Variants in PHLDB1 observed in about 807,000 individuals in gnomAD.
PHLDB1 encodes the protein pleckstrin homology-like domain family B member 1.
A neutral mutation model predicts 139.3 loss-of-function variants in PHLDB1; 65 were observed. The ratio of observed to expected loss-of-function variants is 0.47; its 90% CI spans 0.38 to 0.57. The LOEUF (loss-of-function observed/expected upper bound fraction) is 0.57, where lower values mean the gene tolerates loss of function less well. Among genes scored for constraint, PHLDB1 ranks in the 20% least tolerant of loss-of-function variants. PHLDB1 has a pLI of 0.00. For synonymous variants in PHLDB1, 679 were observed against 734.5 expected (o/e 0.92, Z 1.22); for missense variants, 1,624 against 1,839.7 (o/e 0.88, Z 2.14).
intron 9 of PHLDB1, chr11:118,634,973 G>C (rs1220737634): frequency 1.1e-5 from 5 of 460,254 alleles, no homozygotes; most frequent in Non-Finnish European, 1.7e-5. Flanking sequence ...CCCGCCAGGC[G>C]CTCTACGCCG....
intron 15 of PHLDB1, chr11:118,644,759 G>T: frequency 9.3e-7 from 1 of 1,070,024 alleles, no homozygotes; most frequent in Non-Finnish European, 1.3e-6. Context: ...AGCATGATGT[G>T]TCCTGCCCAG....
chr11:118,628,353 G>A lies in PHLDB1; in HGVS notation c.1530G>A (p.Gly510=), dbSNP rs142470009. The change falls in exon 6 of 23, where the codon GGG becomes GGA. Residue 510 remains glycine, a synonymous_variant. Coordinates refer to ENST00000600882, the MANE Select transcript of PHLDB1 (RefSeq NM_001144758.3). ...ASPEDFSLTL[G]ARGRRTRSPS... ...CAGAGGACTTCTCCCTGACGCTGGG[G>A]GCACGGGGCCGTAGGACACGGAGCC... is the stretch of plus-strand genomic sequence containing the variant. 1,677 of 1,612,046 alleles carry A rather than the reference G, an allele frequency of 1.0e-3. 2 individuals carry two copies. The highest frequency in any genetic ancestry group is 1.2e-3 in the Non-Finnish European group (1,426 of 1,179,186).
rs1335375782 is a variant in PHLDB1 at position 118,655,610 on chromosome 11, C to T, written c.3880C>T (p.His1294Tyr). 7 of 1,609,740 alleles carry T rather than the reference C, an allele frequency of 4.3e-6. No individual in the cohort carries two copies. In the South Asian group the frequency reaches 5.5e-5, roughly 13 times the overall value. ...CACCCTTACTTGCTTTGCAGACAAG[C>T]ATGAGACGAAGCTGAAGGGAGTCAT... The part of the protein sequence containing the change: ...KRTLSYYVDK[H>Y]ETKLKGVIYF... Residue 1294 changes from histidine to tyrosine, a missense_variant, in exon 21 of 23, where the codon CAT (histidine) becomes TAT (tyrosine). Transcript: ENST00000600882.
chr11:118,614,630 C>T lies in PHLDB1; in HGVS notation c.132C>T (p.Ser44=), dbSNP rs528831163. ...AAACGGACAAACCCCACCTGGTGAG[C>T]CTGGGCAGTGGGCGACTCAGCACAG... ...KVQTDKPHLV[S]LGSGRLSTAI... is the part of the protein sequence containing the mutation. Residue 44 remains serine (S), a synonymous_variant, in exon 3 of 23, where the codon AGC becomes AGT. Coordinates refer to ENST00000600882, the MANE Select transcript of PHLDB1 (RefSeq NM_001144758.3). 6 of 1,613,936 alleles carry T rather than the reference C, an allele frequency of 3.7e-6. No homozygotes were observed. In the South Asian group the frequency reaches 5.5e-5, roughly 15 times the overall value.
Position 118,632,500 on chromosome 11 carries a change from G to A in PHLDB1, c.2379+204G>A, listed in dbSNP as rs1443242787. Reference sequence around the variant, plus strand: ...GGGCACTGCCAGGGGCTGGGCTGGTGTCTGGGGTCTCCTCTGTCTGGGTCT... The same window carrying A: ...GGGCACTGCCAGGGGCTGGGCTGGTATCTGGGGTCTCCTCTGTCTGGGTCT... On this transcript the variant is annotated intron_variant, in intron 9 of 22. Coordinates refer to ENST00000600882, the MANE Select transcript of PHLDB1 (RefSeq NM_001144758.3). The surrounding 1 kb of genome is among the most constrained non-coding windows in gnomAD (Gnocchi z 5.9). 3 of 622,312 alleles carry A rather than the reference G, an allele frequency of 4.8e-6. No individual in the cohort carries two copies. Among genetic ancestry groups the A allele is most frequent in the Admixed American group, 5.8e-5 (2 of 34,612 alleles). The allele number at this position is 622,312 out of a possible 1,614,324, so 38.5% of individuals were successfully genotyped here.
At chr11:118,631,839 C>A in intron 7 of PHLDB1, 74 bp from the exon 8 acceptor site, 1 of 1,484,162 alleles carries the variant, frequency 6.7e-7, no homozygotes, top group Non-Finnish European at 9.1e-7. Context: ...CCTGGAGGAA[C>A]AGGTGATCCA....
At chr11:118,655,749 C>A (rs1436795339) in intron 21 of PHLDB1, 59 bp downstream of exon 21, 1 of 1,506,604 alleles carries the variant, frequency 6.6e-7, no homozygotes, top group African/African-American at 1.4e-5. Flanking sequence ...AAGGGGTGGC[C>A]TGGTGGGGCT....
Position 118,628,439 on chromosome 11 carries a change from GC to G in PHLDB1, c.1619del (p.Pro540GlnfsTer79), listed in dbSNP as rs782695492. 8 of 1,610,042 alleles carry G rather than the reference GC, an allele frequency of 5.0e-6. No individual in the cohort carries two copies. Among genetic ancestry groups the G allele is most frequent in the Non-Finnish European group, 6.8e-6 (8 of 1,178,678 alleles). ...PHKGSFSGRLSPAYSLGSLTG... is the reference protein window; with the variant it reads ...PHKGSFSGRLXPAYSLGSLTG... ...AAGGGCAGCTTCAGTGGCAGGCTGA[GC>G]CCAGCCTACAGTCTGGGCTCTCTTA... On this transcript the variant is annotated frameshift_variant, in exon 6 of 23. Transcript: ENST00000600882. LOFTEE classifies it high-confidence loss of function.
At chr11:118,626,282 T>C (rs988728213) in intron 5 of PHLDB1, among the ~76,000 whole-genome samples, 9 of 152,116 alleles carry the variant, frequency 5.9e-5, no homozygotes, top group South Asian at 4.2e-4. Flanking sequence ...GGTTCCTACA[T>C]TGGGAGGCCC....
intron 4 of PHLDB1, among the ~76,000 whole-genome samples, chr11:118,617,913 G>A (rs1371718610): frequency 2.6e-5 from 4 of 152,078 alleles, no homozygotes; most frequent in Admixed American, 2.6e-4. Flanking sequence ...AGGAGAGGCA[G>A]GGCAAAGTTC....
At position 118,627,513 on chromosome 11, in the gene PHLDB1, C is replaced by A; in HGVS notation, c.690C>A (p.Arg230=). 7 of 1,614,230 alleles carry A rather than the reference C, an allele frequency of 4.3e-6. No homozygotes were observed. Among genetic ancestry groups the A allele is most frequent in the Non-Finnish European group, 5.9e-6 (7 of 1,180,020 alleles). Residue 230 remains arginine, a synonymous_variant, in exon 6 of 23, where the codon CGC becomes CGA. Transcript: ENST00000600882. ...TGTCACCGATGGCTAATGGTGGGCG[C>A]TACCTGCTGTCTCCCCCAACCAGCC... ...SPLSPMANGG[R]YLLSPPTSPG...
chr11:118,626,631 T>C (rs1467948163), intron 5 of PHLDB1, among the ~76,000 whole-genome samples: 3 of 150,884 alleles, frequency 2.0e-5, no homozygotes, highest in African/African-American at 7.3e-5. Flanking sequence ...GATACATCCA[T>C]TTCGGCTTCA....
At position 118,627,649 on chromosome 11, in the gene PHLDB1, G is replaced by T; in HGVS notation, c.826G>T (p.Glu276Ter). 6.2e-7 allele frequency: 1 copy of T among 1,612,156 alleles called. No individual in the cohort carries two copies. ...TGCCAGTCACTCACCCAGTGGGCAA[G>T]AGCCAGGACCTTCTGTGCCCCCGCT... Reference protein sequence around the residue: ...SCASHSPSGQEPGPSVPPLVP... With the variant: ...SCASHSPSGQ Residue 276 changes from glutamate to a stop codon, truncating the protein, a stop_gained, in exon 6 of 23, where the codon GAG (glutamate) becomes TAG (stop). Transcript: ENST00000600882. LOFTEE classifies it high-confidence loss of function.
Position 118,624,998 on chromosome 11 carries a change from G to T in PHLDB1, c.420G>T (p.Trp140Cys). 6.2e-7 allele frequency: 1 copy of T among 1,613,988 alleles called. No homozygotes were observed. The highest frequency in any genetic ancestry group is 8.5e-7 in the Non-Finnish European group (1 of 1,179,880). The change falls in exon 5 of 23, where the codon TGG becomes TGT. Residue 140 changes from tryptophan to cysteine, a missense_variant. Physicochemically the swap from Trp to Cys is radical, Grantham distance 215 (BLOSUM62 -2). Transcript: ENST00000600882. ...LRFNHPAEAK[W>C]MKSMIPAGGR... ...TTAACCACCCGGCTGAAGCCAAGTG[G>T]ATGAAAAGCATGATTCCAGCAGGGG...
At position 118,611,113 on chromosome 11, in the gene PHLDB1, G is replaced by A. The variant is rs1940185101; in HGVS notation, c.-21-2703G>A. On this transcript the variant is annotated intron_variant, in intron 1 of 22. Transcript: ENST00000600882. This position sits in a 1 kb window ranked among gnomAD's most constrained non-coding sequence, Gnocchi z 4.7. Reference sequence around the variant, plus strand: ...GACGTCCCTCGCGTAGCGCCACTCAGCCGCCGGGGCCAGAGCGGGAGTCAA... The same window carrying A: ...GACGTCCCTCGCGTAGCGCCACTCAACCGCCGGGGCCAGAGCGGGAGTCAA... Among the ~76,000 whole-genome samples, 1 of 152,226 alleles carries A rather than the reference G, an allele frequency of 6.6e-6. No individual in the cohort carries two copies. The highest frequency in any genetic ancestry group is 2.4e-5 in the African/African-American group (1 of 41,470).
chr11:118,608,556 G>A lies in PHLDB1; in HGVS notation c.-22+857G>A, dbSNP rs1555080804. Reference sequence around the variant, plus strand: ...CGCACAGCCCTGCCGGGGACCCACGGCTCTGGGGCGGGGCTGCATTCTGGG... The same window carrying A: ...CGCACAGCCCTGCCGGGGACCCACGACTCTGGGGCGGGGCTGCATTCTGGG... On this transcript the variant is annotated intron_variant, in intron 1 of 22. Coordinates refer to ENST00000600882, the MANE Select transcript of PHLDB1 (RefSeq NM_001144758.3). This position sits in a 1 kb window ranked among gnomAD's most constrained non-coding sequence, Gnocchi z 6.7. 6.6e-6 allele frequency among the ~76,000 whole-genome samples: 1 copy of A among 152,082 alleles called. No individual in the cohort carries two copies. The highest frequency in any genetic ancestry group is 1.5e-5 in the Non-Finnish European group (1 of 67,980).
intron 3 of PHLDB1, chr11:118,615,479 TACATTCTCC>T (rs1481743378): frequency 6.5e-6 from 1 of 153,336 alleles, no homozygotes; most frequent in Non-Finnish European, 1.5e-5. Flanking sequence ...TGGGTGATAC[TACATTCTCC>T]ACATTCTCCA....
rs782326886 is a variant in PHLDB1, at chr11:118,645,421, G to A, written c.3187G>A (p.Ala1063Thr). The part of the protein sequence containing the change: ...AELKQKAAAE[A>T]QCQWDALHGA... ...GCTGAAGCAGAAAGCGGCAGCTGAG[G>A]CACAGTGCCAGTGGGATGCCCTTCA... The change falls in exon 16 of 23, where the codon GCA (alanine) becomes ACA (threonine). Residue 1063 changes from alanine (A) to threonine (T), a missense_variant. Ala to Thr is a moderately conservative substitution (Grantham distance 58, BLOSUM62 0). Coordinates refer to ENST00000600882, the MANE Select transcript of PHLDB1 (RefSeq NM_001144758.3). The surrounding 1 kb of genome is among the most constrained non-coding windows in gnomAD (Gnocchi z 5.1). 2 of 1,547,402 alleles carry A rather than the reference G, an allele frequency of 1.3e-6. No individual in the cohort carries two copies. Among genetic ancestry groups the A allele is most frequent in the Admixed American group, 4.1e-5 (2 of 48,218 alleles).
In PHLDB1 at chr11:118,638,964, C is replaced by T. The variant is rs1423962910; in HGVS notation, c.2609C>T (p.Ala870Val). Reference protein sequence around the residue: ...AQAVQESERLARDKNASLQLL... With the variant: ...AQAVQESERLVRDKNASLQLL... ...GCCGTGCAGGAATCAGAACGCCTGG[C>T]CCGGGACAAGAATGCCTCCTTACAG... The change falls in exon 11 of 23, where the codon GCC (alanine) becomes GTC (valine). Residue 870 changes from alanine to valine, a missense_variant. Physicochemically the swap from Ala to Val is moderately conservative, Grantham distance 64 (BLOSUM62 0). Coordinates refer to ENST00000600882, the MANE Select transcript of PHLDB1 (RefSeq NM_001144758.3). 1.9e-6 allele frequency: 3 copies of T among 1,613,542 alleles called. No individual in the cohort carries two copies. The Admixed American group carries it at 5.0e-5, about 27-fold the overall frequency.
Sources: allele counts gnomAD v4.1 joint callset (sites outside exome capture counted in the v4.1 genomes callset), GRCh38; gene constraint gnomAD v4.1.1; non-coding constraint Gnocchi (gnomAD v3.1); transcripts MANE v1.5; gene names NCBI Gene and HGNC (gene_info 2026-07-23, HGNC 2026-07-21).